The following RAB3B variants were observed in gnomAD, a reference collection of about 807,000 sequenced individuals.
RAB3B encodes RAB3B, member RAS oncogene family.
Under a neutral mutation model 20.5 loss-of-function variants are expected in RAB3B, and 11 were observed. The observed-to-expected ratio is 0.54, with a 90% confidence interval of 0.34 to 0.89. The LOEUF (loss-of-function observed/expected upper bound fraction) is 0.89. Among genes scored for constraint, RAB3B ranks in the 40% least tolerant of loss-of-function variants. The pLI is 0.02. For missense variants in RAB3B, 225 were observed against 280.9 expected (o/e 0.80, Z 1.42); for synonymous variants, 99 against 106.3 (o/e 0.93, Z 0.42).
At chr1:51,950,050 G>A (rs150646511) in intron 2 of RAB3B, among the ~76,000 whole-genome samples, 1 of 152,348 alleles carries the variant, frequency 6.6e-6, no homozygotes, top group African/African-American at 2.4e-5. Flanking sequence ...CAGTGTGGCT[G>A]AGTCTGGGGT....
chr1:51,924,175 C>T (rs1165364644), intron 4 of RAB3B, among the ~76,000 whole-genome samples: 1 of 152,160 alleles, frequency 6.6e-6, no homozygotes, highest in Non-Finnish European at 1.5e-5. Flanking sequence ...GTCATGAAAG[C>T]TCAGCTCAAT....
At chr1:51,986,211 C>T (rs1313717332) in intron 1 of RAB3B, among the ~76,000 whole-genome samples, 1 of 145,940 alleles carries the variant, frequency 6.9e-6, no homozygotes, top group Non-Finnish European at 1.5e-5. Context: ...AGGGCAGTGG[C>T]GCGATCTCAG....
At position 51,935,442 on chromosome 1, in the gene RAB3B, A is replaced by C. The variant is rs554591099; in HGVS notation, c.347+1852T>G. Among the ~76,000 whole-genome samples, 7 of 152,272 alleles carry C rather than the reference A, an allele frequency of 4.6e-5. 1 individual carries two copies. Among genetic ancestry groups the C allele is most frequent in the African/African-American group, 1.7e-4 (7 of 41,564 alleles). On this transcript the variant is annotated intron_variant, in intron 3 of 4. Transcript: ENST00000371655. ...CAAAACTCAAAGGCCAGGGCTTGGG[A>C]GAGATAGACCCTCAGTCTTCAGACT...
At chr1:51,961,407 G>A (rs978202268) in intron 2 of RAB3B, among the ~76,000 whole-genome samples, 1 of 152,164 alleles carries the variant, frequency 6.6e-6, no homozygotes, top group African/African-American at 2.4e-5. Context: ...TCAACCACCT[G>A]TGAGGTCCCT....
rs1271397375 is a variant in RAB3B, at chr1:51,908,395, G to C, written c.*11532C>G. Reference sequence around the variant, plus strand: ...TCCTAGGTTGGCATGAGACCAGCCTGGTCCCCAGTTGAATAAATTAGAAAG... The same window carrying C: ...TCCTAGGTTGGCATGAGACCAGCCTCGTCCCCAGTTGAATAAATTAGAAAG... On this transcript the variant is annotated 3_prime_UTR_variant, in exon 5 of 5. Coordinates refer to ENST00000371655, the MANE Select transcript of RAB3B (RefSeq NM_002867.4). 1 of 152,060 alleles carries C rather than the reference G, an allele frequency of 6.6e-6. No individual in the cohort carries two copies. Among genetic ancestry groups the C allele is most frequent in the Non-Finnish European group, 1.5e-5 (1 of 68,030 alleles). The allele number at this position is 152,060 out of a possible 1,614,324, so 9.4% of individuals were successfully genotyped here. A position where few individuals can be genotyped will look rare whatever the true frequency, so the allele number is the denominator to read the frequency against.
At chr1:51,953,500 C>T (rs1364265816) in intron 2 of RAB3B, among the ~76,000 whole-genome samples, 2 of 152,300 alleles carry the variant, frequency 1.3e-5, no homozygotes, top group East Asian at 1.9e-4. Flanking sequence ...TGTCAAAAGA[C>T]AATTCACAAA....
intron 2 of RAB3B, among the ~76,000 whole-genome samples, chr1:51,964,501 T>C (rs1684821819): frequency 6.6e-6 from 1 of 152,214 alleles, no homozygotes; most frequent in African/African-American, 2.4e-5. Context: ...TGCTAACATA[T>C]ACATGCAGAC....
At chr1:51,984,204 C>T (rs1348666549) in intron 1 of RAB3B, among the ~76,000 whole-genome samples, 1 of 115,994 alleles carries the variant, frequency 8.6e-6, no homozygotes, top group African/African-American at 3.3e-5. Flanking sequence ...GCGGAGGTTA[C>T]AGTGAGCGGA....
At chr1:51,983,988 G>T (rs1261059143) in intron 1 of RAB3B, among the ~76,000 whole-genome samples, 1 of 151,782 alleles carries the variant, frequency 6.6e-6, no homozygotes, top group Non-Finnish European at 1.5e-5. Context: ...GTAAGGGCTG[G>T]GCGCGGTGGC....
At chr1:51,933,971 C>T (rs145310931) in intron 3 of RAB3B, among the ~76,000 whole-genome samples, 2 of 152,312 alleles carry the variant, frequency 1.3e-5, no homozygotes, top group East Asian at 3.9e-4. Context: ...GACTCCTAAG[C>T]CCTAGCTGCA....
intron 4 of RAB3B, among the ~76,000 whole-genome samples, chr1:51,921,740 C>T (rs1327351857): frequency 2.0e-5 from 3 of 152,168 alleles, no homozygotes; most frequent in African/African-American, 4.8e-5. Flanking sequence ...GAATACATTG[C>T]TGTAAAAAAG....
chr1:51,977,761 C>T (rs2124312902), intron 1 of RAB3B, among the ~76,000 whole-genome samples: 1 of 152,256 alleles, frequency 6.6e-6, no homozygotes, highest in South Asian at 2.1e-4. Context: ...ATGATCATGC[C>T]ACTGAATGCC....
Position 51,949,776 on chromosome 1 carries a change from G to A in RAB3B, c.229-12364C>T, listed in dbSNP as rs890329868. On this transcript the variant is annotated intron_variant, in intron 2 of 4. Coordinates refer to ENST00000371655, the MANE Select transcript of RAB3B (RefSeq NM_002867.4). Reference sequence around the variant, plus strand: ...TTGCTCCACTCTAGCCCACAGCTCCGGGACTGGCTTGGCCCCACCACTGCT... The same window carrying A: ...TTGCTCCACTCTAGCCCACAGCTCCAGGACTGGCTTGGCCCCACCACTGCT... Among the ~76,000 whole-genome samples, 9 of 152,296 alleles carry A rather than the reference G, an allele frequency of 5.9e-5. No individual in the cohort carries two copies. In the East Asian group the frequency reaches 9.7e-4, roughly 16 times the overall value.
chr1:51,959,116 A>C (rs529115910), intron 2 of RAB3B, among the ~76,000 whole-genome samples: 1 of 152,276 alleles, frequency 6.6e-6, no homozygotes, highest in Admixed American at 6.5e-5. Context: ...AAAGTTAAGG[A>C]GGGTCCTTAA....
At chr1:51,941,746 A>G (rs1337145622) in intron 2 of RAB3B, among the ~76,000 whole-genome samples, 1 of 152,170 alleles carries the variant, frequency 6.6e-6, no homozygotes, top group Non-Finnish European at 1.5e-5. Context: ...CTTTTCATTG[A>G]GCAATGTCTT....
chr1:51,938,424 TTATC>T (rs1240998897), intron 2 of RAB3B, among the ~76,000 whole-genome samples: 5 of 152,126 alleles, frequency 3.3e-5, no homozygotes, highest in Admixed American at 6.5e-5. Flanking sequence ...TGTTAAAACT[TTATC>T]TAGACAGTGA....
intron 2 of RAB3B, among the ~76,000 whole-genome samples, chr1:51,975,922 G>C (rs1685003047): frequency 6.6e-6 from 1 of 151,858 alleles, no homozygotes; most frequent in Non-Finnish European, 1.5e-5. Context: ...AACCCGGGAG[G>C]CGGAAGTTGC....
At chr1:51,972,223 G>A (rs1227096012) in intron 2 of RAB3B, among the ~76,000 whole-genome samples, 2 of 152,146 alleles carry the variant, frequency 1.3e-5, no homozygotes, top group Non-Finnish European at 2.9e-5. Flanking sequence ...CTTATTTCTA[G>A]AATTTTCTGT....
At position 51,917,330 on chromosome 1, in the gene RAB3B, G is replaced by A. The variant is rs765003234; in HGVS notation, c.*2597C>T. On this transcript the variant is annotated 3_prime_UTR_variant, in exon 5 of 5. Coordinates refer to ENST00000371655, the MANE Select transcript of RAB3B (RefSeq NM_002867.4). ...GTGAAGGTGAAAAAAAAGAGACACC[G>A]AGTTATTAGTGCCAAAAGAGACCTT... The A allele has an allele frequency of 5.3e-5, 8 of 152,066 alleles. No homozygotes were observed. The highest frequency in any genetic ancestry group is 8.8e-5 in the Non-Finnish European group (6 of 68,012). The allele number at this position is 152,066 out of a possible 1,614,324, so 9.4% of individuals were successfully genotyped here.
Sources: gnomAD v4.1 joint callset for allele counts (sites outside exome capture counted in the v4.1 genomes callset) on GRCh38, gnomAD v4.1.1 for gene constraint, MANE v1.5 for transcripts, NCBI Gene and HGNC (gene_info 2026-07-23, HGNC 2026-07-21) for gene names.